NCKAP5: variants seen among roughly 807,000 people sequenced by gnomAD.
NCKAP5 encodes the protein nck-associated protein 5.
NCKAP5 carries 92 observed loss-of-function variants against 167.0 expected under a neutral mutation model. The observed-to-expected ratio is 0.55, with a 90% CI of 0.47 to 0.66. The LOEUF (loss-of-function observed/expected upper bound fraction) is 0.66. Among genes scored for constraint, NCKAP5 ranks in the 30% least tolerant of loss-of-function variants. NCKAP5 has a pLI of 0.00. For synonymous variants in NCKAP5, 891 were observed against 877.4 expected (o/e 1.02, Z -0.27); for missense variants, 2,378 against 2,315.0 (o/e 1.03, Z -0.56).
chr2:133,214,308 A>G (rs751178240), intron 4 of NCKAP5, among the ~76,000 whole-genome samples: 7 of 152,166 alleles, frequency 4.6e-5, no homozygotes, highest in African/African-American at 7.2e-5. Context: ...GGGTGATTTC[A>G]TTATGCCCAT....
chr2:132,722,632 C>G (rs913018706), intron 19 of NCKAP5, among the ~76,000 whole-genome samples: 4 of 152,110 alleles, frequency 2.6e-5, no homozygotes, highest in African/African-American at 4.8e-5. Flanking sequence ...CCTAGCCTCC[C>G]ACCTACCCAC....
At chr2:132,803,341 A>G (rs531979624) in intron 11 of NCKAP5, among the ~76,000 whole-genome samples, 44 of 152,340 alleles carry the variant, frequency 2.9e-4, no homozygotes, top group Non-Finnish European at 5.6e-4. Context: ...TTGCACATCA[A>G]TGTTTAGCTG....
chr2:132,862,189 T>C (rs1383580946), intron 10 of NCKAP5, among the ~76,000 whole-genome samples: 1 of 152,212 alleles, frequency 6.6e-6, no homozygotes, highest in African/African-American at 2.4e-5. Context: ...GCCATAACCT[T>C]GTATGAATCT....
Position 133,443,790 on chromosome 2 carries a change from G to A in NCKAP5, c.69+73668C>T, listed in dbSNP as rs937755284. Among the ~76,000 whole-genome samples the A allele has an allele frequency of 9.2e-5, 14 of 152,214 alleles. No homozygotes were observed. The East Asian group carries it at 1.7e-3, about 19-fold the overall frequency. On this transcript the variant is annotated intron_variant, in intron 3 of 19. Transcript: ENST00000409261. The stretch of plus-strand genomic sequence containing the variant: ...GAGGGGAGGAAAGGATGAGTAGAGG[G>A]ACCTCTTGAGTCTGTTTGCGTTCTC...
intron 11 of NCKAP5, among the ~76,000 whole-genome samples, chr2:132,826,003 G>T (rs532664150): frequency 6.6e-6 from 1 of 152,230 alleles, no homozygotes; most frequent in South Asian, 2.1e-4. Context: ...AGCAAGGGAA[G>T]AACAGAAAGC....
At chr2:133,170,691 G>A (rs1186021356) in intron 5 of NCKAP5, among the ~76,000 whole-genome samples, 3 of 152,210 alleles carry the variant, frequency 2.0e-5, no homozygotes, top group South Asian at 4.1e-4. Flanking sequence ...TTTTGTTGAG[G>A]CATTGACAAG....
intron 6 of NCKAP5, among the ~76,000 whole-genome samples, chr2:133,083,626 T>C (rs16847317): frequency 0.15 from 23,024 of 152,118 alleles, 1,903 homozygotes; most frequent in East Asian, 0.22. Context: ...ATCAGGGTGG[T>C]GGTAGGTGCT....
At chr2:132,899,173 G>A (rs1371587002) in intron 8 of NCKAP5, among the ~76,000 whole-genome samples, 2 of 152,188 alleles carry the variant, frequency 1.3e-5, no homozygotes, top group Non-Finnish European at 2.9e-5. Flanking sequence ...AGCAGTGGTT[G>A]TTTCACCTTG....
At chr2:133,666,933 G>T in the NCKAP5 span, among the ~76,000 whole-genome samples, 31 of 152,110 alleles carry the variant, frequency 2.0e-4, no homozygotes, top group Admixed American at 5.9e-4. Flanking sequence ...CTTGTTGCAG[G>T]ATCTGTAAAA....
At chr2:133,613,953 A>G in the NCKAP5 span, among the ~76,000 whole-genome samples, 1 of 152,294 alleles carries the variant, frequency 6.6e-6, no homozygotes, top group African/African-American at 2.4e-5. Flanking sequence ...CATTCAAAGA[A>G]TCTTCTGGGG....
intron 9 of NCKAP5, among the ~76,000 whole-genome samples, chr2:132,876,459 GA>G: frequency 6.6e-6 from 1 of 151,970 alleles, no homozygotes; most frequent in Non-Finnish European, 1.5e-5. Context: ...CACTAGCAAG[GA>G]AAAAACTTAC....
chr2:132,789,767 G>T (rs571754561), intron 13 of NCKAP5, among the ~76,000 whole-genome samples: 3 of 152,170 alleles, frequency 2.0e-5, no homozygotes, highest in Non-Finnish European at 4.4e-5. Flanking sequence ...ATCTTGGCAT[G>T]TATATAAGTA....
chr2:133,169,419 G>C (rs1158302920), intron 5 of NCKAP5, among the ~76,000 whole-genome samples: 2 of 152,124 alleles, frequency 1.3e-5, no homozygotes, highest in Admixed American at 1.3e-4. Flanking sequence ...CTCACCCAGG[G>C]GATGGTGGAG....
At chr2:132,957,405 T>C (rs1438656687) in intron 8 of NCKAP5, among the ~76,000 whole-genome samples, 1 of 152,356 alleles carries the variant, frequency 6.6e-6, no homozygotes, top group East Asian at 1.9e-4. Context: ...GAGCTATACA[T>C]TGGGAGTTCA....
chr2:132,872,463 T>C (rs1558883077), intron 9 of NCKAP5, among the ~76,000 whole-genome samples: 1 of 152,234 alleles, frequency 6.6e-6, no homozygotes, highest in Non-Finnish European at 1.5e-5. Context: ...GCTGGGGCTA[T>C]GGAGTTCTCT....
chr2:132,954,717 ACTAGAAATATATATG>A (rs1465498911), intron 8 of NCKAP5: 2 of 451,476 alleles, frequency 4.4e-6, no homozygotes, highest in Admixed American at 4.8e-5. Flanking sequence ...TAACAAAAAG[ACTAGAAATATATATG>A]CTGAAATGCC....
At chr2:132,996,370 C>T (rs962387861) in intron 6 of NCKAP5, among the ~76,000 whole-genome samples, 3 of 152,162 alleles carry the variant, frequency 2.0e-5, no homozygotes, top group African/African-American at 7.2e-5. Flanking sequence ...TCCAGTGATT[C>T]CCCATTAGCT....
At chr2:132,675,403 G>C (rs1360678468) in intron 19 of NCKAP5, among the ~76,000 whole-genome samples, 1 of 152,200 alleles carries the variant, frequency 6.6e-6, no homozygotes, top group East Asian at 1.9e-4. Context: ...AGACAGTAGT[G>C]GGTGTGCAAT....
chr2:133,154,238 T>C (rs1413783505), intron 5 of NCKAP5, among the ~76,000 whole-genome samples: 1 of 152,202 alleles, frequency 6.6e-6, no homozygotes, highest in East Asian at 1.9e-4. Flanking sequence ...AACTGGCTCT[T>C]GATGAAATGG....
Sources: gnomAD v4.1 joint callset for allele counts (sites outside exome capture counted in the v4.1 genomes callset) on GRCh38, gnomAD v4.1.1 for gene constraint, MANE v1.5 for transcripts, NCBI Gene and HGNC (gene_info 2026-07-23, HGNC 2026-07-21) for gene names.